Variants in IMMP2L observed in about 807,000 individuals in gnomAD.
IMMP2L encodes the protein inner mitochondrial membrane peptidase subunit 2.
In IMMP2L, 18 loss-of-function variants were observed where a neutral mutation model predicts 19.3. That is an observed-to-expected ratio of 0.93 (90% CI 0.64 to 1.38). The LOEUF is 1.38. IMMP2L is among the 40% of genes most tolerant of loss of function. IMMP2L has a pLI of 0.00. For synonymous variants in IMMP2L, 76 were observed against 73.0 expected (o/e 1.04, Z -0.21); for missense variants, 233 against 218.2 (o/e 1.07, Z -0.43).
intron 3 of IMMP2L, among the ~76,000 whole-genome samples, chr7:111,419,223 T>A (rs1835246670): frequency 6.6e-6 from 1 of 151,862 alleles, no homozygotes; most frequent in African/African-American, 2.4e-5. Context: ...AATTATTAAT[T>A]AAAAATGGGA....
chr7:111,399,684 T>C (rs1833238372), intron 3 of IMMP2L, among the ~76,000 whole-genome samples: 1 of 152,246 alleles, frequency 6.6e-6, no homozygotes, highest in African/African-American at 2.4e-5. Flanking sequence ...TTATTATTAA[T>C]GTATCCTTTC....
At chr7:110,948,450 C>A (rs1477039032) in intron 4 of IMMP2L, among the ~76,000 whole-genome samples, 1 of 152,232 alleles carries the variant, frequency 6.6e-6, no homozygotes, top group East Asian at 1.9e-4. Context: ...TTTGGTCCAG[C>A]ACAGTCAGAG....
rs144861782 is a variant in IMMP2L, at chr7:111,123,902, G to A, written c.240-160337C>T. On this transcript the variant is annotated intron_variant, in intron 3 of 5. Coordinates refer to ENST00000405709, the MANE Select transcript of IMMP2L (RefSeq NM_032549.4). The surrounding 1 kb of genome is among the most constrained non-coding windows in gnomAD (Gnocchi z 6.4). ...CCCATCAGGTGTGACTGTGTCATCC[G>A]TTGGATGAACATGAACAAAACCAAC... The A allele has an allele frequency of 5.9e-5, 96 of 1,613,854 alleles. No individual in the cohort carries two copies. Among genetic ancestry groups the A allele is most frequent in the Non-Finnish European group, 7.0e-5 (83 of 1,179,992 alleles).
intron 5 of IMMP2L, among the ~76,000 whole-genome samples, chr7:110,874,244 C>T (rs191028827): frequency 2.5e-3 from 379 of 152,038 alleles, no homozygotes; most frequent in Middle Eastern, 6.8e-3. Context: ...CTGTAAATAA[C>T]GTTATTAAGA....
At chr7:110,965,944 T>C (rs1819499159) in intron 3 of IMMP2L, among the ~76,000 whole-genome samples, 1 of 151,980 alleles carries the variant, frequency 6.6e-6, no homozygotes, top group South Asian at 2.1e-4. Context: ...CAGAAATGTA[T>C]CCTAATGAGA....
intron 4 of IMMP2L, chr7:110,962,330 G>A (rs941221429): frequency 2.0e-5 from 3 of 151,774 alleles, no homozygotes; most frequent in Non-Finnish European, 2.9e-5. Context: ...TTCATTTATT[G>A]ATTCAATTTA....
chr7:110,795,928 C>A (rs912986723), intron 5 of IMMP2L, among the ~76,000 whole-genome samples: 1 of 152,064 alleles, frequency 6.6e-6, no homozygotes, highest in Non-Finnish European at 1.5e-5. Flanking sequence ...CCACCCAAAT[C>A]TGATCTTGAA....
At chr7:111,402,997 CCCCCCCA>C (rs1335012412) in intron 3 of IMMP2L, among the ~76,000 whole-genome samples, 2 of 96,458 alleles carry the variant, frequency 2.1e-5, no homozygotes, top group African/African-American at 9.2e-5. Flanking sequence ...CTTGACCCCC[CCCCCCCA>C]CCCCGCCAGG....
At chr7:110,695,303 C>G (rs1039922456) in intron 5 of IMMP2L, among the ~76,000 whole-genome samples, 2 of 152,024 alleles carry the variant, frequency 1.3e-5, no homozygotes, top group Admixed American at 1.3e-4. Flanking sequence ...GCTGTCCCCC[C>G]GCCTTAGCCT....
At chr7:110,814,700 G>GATATATATAT (rs143894798) in intron 5 of IMMP2L, among the ~76,000 whole-genome samples, 18 of 143,954 alleles carry the variant, frequency 1.3e-4, no homozygotes, top group African/African-American at 3.8e-4. Flanking sequence ...GTCAAGTACA[G>GATATATATAT]ATATATATAT....
intron 4 of IMMP2L, among the ~76,000 whole-genome samples, chr7:110,945,895 G>A (rs183064921): frequency 4.1e-4 from 62 of 152,206 alleles, no homozygotes; most frequent in African/African-American, 1.4e-3. Flanking sequence ...TCCTAATGCT[G>A]GGAATTTAAG....
At chr7:111,293,835 A>C (rs142300146) in intron 3 of IMMP2L, among the ~76,000 whole-genome samples, 8 of 152,044 alleles carry the variant, frequency 5.3e-5, no homozygotes, top group African/African-American at 1.9e-4. Flanking sequence ...AGAGAAGGTA[A>C]ATAACTGTTC....
intron 5 of IMMP2L, among the ~76,000 whole-genome samples, chr7:110,884,004 T>G (rs1001733945): frequency 2.0e-5 from 3 of 152,002 alleles, no homozygotes; most frequent in African/African-American, 7.2e-5. Context: ...TTATAATAAA[T>G]GAAAGAATTG....
At chr7:111,153,514 T>C (rs1362563124) in intron 3 of IMMP2L, among the ~76,000 whole-genome samples, 1 of 152,060 alleles carries the variant, frequency 6.6e-6, no homozygotes, top group Non-Finnish European at 1.5e-5. Flanking sequence ...TATCTTTTCA[T>C]GGTAAGGAAA....
At position 110,853,846 on chromosome 7, in the gene IMMP2L, T is replaced by C. The variant is rs1355588231; in HGVS notation, c.408+32747A>G. Among the ~76,000 whole-genome samples, 4 of 151,982 alleles carry C rather than the reference T, an allele frequency of 2.6e-5. No individual in the cohort carries two copies. The South Asian group carries it at 6.2e-4, about 24-fold the overall frequency. On this transcript the variant is annotated intron_variant, in intron 5 of 5. Transcript: ENST00000405709. The stretch of plus-strand genomic sequence containing the variant: ...CAAAATAGTCAATACTAACTAGTTA[T>C]GCAGGTTACCTGGAAAACCTATAGT...
chr7:110,919,084 G>C (rs1383892051), intron 4 of IMMP2L, among the ~76,000 whole-genome samples: 1 of 152,086 alleles, frequency 6.6e-6, no homozygotes, highest in African/African-American at 2.4e-5. Context: ...TACCAACCAT[G>C]AACTAGACAT....
At position 111,259,582 on chromosome 7, in the gene IMMP2L, G is replaced by A. The variant is rs557035154; in HGVS notation, c.239+227656C>T. On this transcript the variant is annotated intron_variant, in intron 3 of 5. Coordinates refer to ENST00000405709, the MANE Select transcript of IMMP2L (RefSeq NM_032549.4). ...GAGGCCAGGAGTTCAAGGATGCAGT[G>A]GGCTATAATGACACTACTACACTGC... is the stretch of plus-strand genomic sequence containing the variant. Among the ~76,000 whole-genome samples, 64 of 151,972 alleles carry A rather than the reference G, an allele frequency of 4.2e-4. 1 individual carries two copies. The highest frequency in any genetic ancestry group is 1.4e-3 in the African/African-American group (59 of 41,442).
At position 111,538,348 on chromosome 7, in the gene IMMP2L, ATG is replaced by A. The variant is rs367549269; in HGVS notation, c.-2-16901_-2-16900del. 3.5e-3 allele frequency among the ~76,000 whole-genome samples: 525 copies of A among 151,902 alleles called. 5 individuals carry two copies. Among genetic ancestry groups the A allele is most frequent in the African/African-American group, 7.8e-3 (322 of 41,430 alleles). On this transcript the variant is annotated intron_variant, in intron 1 of 5. Coordinates refer to ENST00000405709, the MANE Select transcript of IMMP2L (RefSeq NM_032549.4). ...TGCACAACCACATGCCATAAATTTTATGTGTGTGTGTGTTAGTTTGTGTGTGT... is the reference window on the plus strand; with the variant it reads ...TGCACAACCACATGCCATAAATTTTATGTGTGTGTGTTAGTTTGTGTGTGT...
intron 2 of IMMP2L, among the ~76,000 whole-genome samples, chr7:111,499,712 C>T (rs1277660243): frequency 6.6e-6 from 1 of 152,118 alleles, no homozygotes; most frequent in African/African-American, 2.4e-5. Context: ...GAGAAATGTC[C>T]TTTAATTAAG....
Sources: allele counts gnomAD v4.1 joint callset (sites outside exome capture counted in the v4.1 genomes callset), GRCh38; gene constraint gnomAD v4.1.1; non-coding constraint Gnocchi (gnomAD v3.1); transcripts MANE v1.5; gene names NCBI Gene and HGNC (gene_info 2026-07-23, HGNC 2026-07-21).